The following DAPK1 variants were observed in gnomAD, a reference collection of about 807,000 sequenced individuals.
DAPK1 encodes the protein death associated protein kinase 1, also known as death-associated protein kinase 1.
In DAPK1, 56 loss-of-function variants were observed where a neutral mutation model predicts 144.9. The observed-to-expected ratio is 0.39, with a 90% CI of 0.31 to 0.48. The LOEUF (loss-of-function observed/expected upper bound fraction) is 0.48, where lower values mean the gene tolerates loss of function less well. DAPK1 is among the 20% of genes least tolerant of loss of function. DAPK1 has a pLI of 0.95. For synonymous variants in DAPK1, 690 were observed against 749.0 expected (o/e 0.92, Z 1.29); for missense variants, 1,454 against 1,875.4 (o/e 0.78, Z 4.15).
chr9:87,504,991 G>A lies in DAPK1; in HGVS notation c.62+5852G>A, dbSNP rs140991458. On this transcript the variant is annotated intron_variant, in intron 2 of 25. Coordinates refer to ENST00000408954, the MANE Select transcript of DAPK1 (RefSeq NM_004938.4). ...GCAGAACCCACAGATCCAGAGGGCT[G>A]ACTGTAGTTGTATACAGGTGTTATA... is the stretch of plus-strand genomic sequence containing the variant. Among the ~76,000 whole-genome samples, 757 of 152,320 alleles carry A rather than the reference G, an allele frequency of 5.0e-3. 2 individuals are homozygous for A. Among genetic ancestry groups the A allele is most frequent in the Non-Finnish European group, 6.7e-3 (459 of 68,032 alleles).
At chr9:87,618,438 C>T (rs1006126663) in intron 3 of DAPK1, among the ~76,000 whole-genome samples, 2 of 152,142 alleles carry the variant, frequency 1.3e-5, no homozygotes, top group African/African-American at 4.8e-5. Context: ...AGACTGTACC[C>T]AAGAGACATG....
chr9:87,664,690 C>T (rs1201014551), intron 18 of DAPK1, among the ~76,000 whole-genome samples: 1 of 152,174 alleles, frequency 6.6e-6, no homozygotes, highest in African/African-American at 2.4e-5. Context: ...AAGTGGGCTC[C>T]CTGCTTCCAC....
chr9:87,539,107 T>C (rs1284615828), intron 2 of DAPK1, among the ~76,000 whole-genome samples: 1 of 151,492 alleles, frequency 6.6e-6, no homozygotes, highest in Admixed American at 6.6e-5. Flanking sequence ...ATATATGTAC[T>C]ACATATATTA....
At chr9:87,578,236 T>C (rs1827632060) in intron 2 of DAPK1, among the ~76,000 whole-genome samples, 1 of 152,232 alleles carries the variant, frequency 6.6e-6, no homozygotes, top group African/African-American at 2.4e-5. Flanking sequence ...TATATGTCCT[T>C]TTTAATAGAA....
At chr9:87,704,420 AG>A (rs1825562289) in intron 25 of DAPK1, among the ~76,000 whole-genome samples, 2 of 152,318 alleles carry the variant, frequency 1.3e-5, no homozygotes, top group Admixed American at 1.3e-4. Context: ...GATGTAAAGA[AG>A]GAGGGTAATT....
chr9:87,549,188 G>T (rs1484431086), intron 2 of DAPK1, among the ~76,000 whole-genome samples: 6 of 152,132 alleles, frequency 3.9e-5, no homozygotes, highest in Admixed American at 1.3e-4. Flanking sequence ...AGAACATGCA[G>T]TGTTTGGTTT....
chr9:87,675,482 A>T (rs1408286381), intron 19 of DAPK1, among the ~76,000 whole-genome samples: 4 of 152,062 alleles, frequency 2.6e-5, no homozygotes. Flanking sequence ...GGGTCAGAGG[A>T]TGTACCTGGG....
chr9:87,691,597 G>A (rs1237815233), intron 21 of DAPK1, among the ~76,000 whole-genome samples: 2 of 151,636 alleles, frequency 1.3e-5, no homozygotes, highest in Non-Finnish European at 2.9e-5. Flanking sequence ...TATTTGAAAC[G>A]TTTCTGATTT....
chr9:87,655,765 T>C (rs1278816918), intron 17 of DAPK1, among the ~76,000 whole-genome samples: 4 of 152,176 alleles, frequency 2.6e-5, no homozygotes, highest in African/African-American at 7.2e-5. Flanking sequence ...AGGGAATAGA[T>C]GGCGCAGAAT....
intron 2 of DAPK1, among the ~76,000 whole-genome samples, chr9:87,572,069 A>T (rs1827381394): frequency 6.6e-6 from 1 of 152,216 alleles, no homozygotes; most frequent in African/African-American, 2.4e-5. Flanking sequence ...AAATAGAAAG[A>T]CTTGCTCAGC....
chr9:87,685,095 T>TA (rs1824788929), intron 20 of DAPK1, among the ~76,000 whole-genome samples: 1 of 152,170 alleles, frequency 6.6e-6, no homozygotes, highest in Admixed American at 6.5e-5. Context: ...TGCAGAGAAA[T>TA]ACACTAAAAT....
At chr9:87,529,035 A>T (rs1825617081) in intron 2 of DAPK1, among the ~76,000 whole-genome samples, 1 of 152,024 alleles carries the variant, frequency 6.6e-6, no homozygotes, top group African/African-American at 2.4e-5. Context: ...GTGTGTGCTC[A>T]CCTCCCAGGT....
At chr9:87,616,296 C>A (rs1829094936) in intron 3 of DAPK1, among the ~76,000 whole-genome samples, 1 of 152,132 alleles carries the variant, frequency 6.6e-6, no homozygotes, top group Non-Finnish European at 1.5e-5. Flanking sequence ...GCATATGTTT[C>A]TTTGAGGGCA....
In DAPK1 at chr9:87,497,903, A is replaced by C. The variant is rs899199670; in HGVS notation, c.-313A>C. Reference sequence around the variant, plus strand: ...TGAGGAGGACAGCCGGACCGAGCCAACGCCGGGGACTTTGTTCCCTCCGCG... The same window carrying C: ...TGAGGAGGACAGCCGGACCGAGCCACCGCCGGGGACTTTGTTCCCTCCGCG... On this transcript the variant is annotated 5_prime_UTR_variant, in exon 1 of 26. Coordinates refer to ENST00000408954, the MANE Select transcript of DAPK1 (RefSeq NM_004938.4). The C allele has an allele frequency of 1.0e-4, 41 of 394,656 alleles. No homozygotes were observed. The highest frequency in any genetic ancestry group is 1.7e-4 in the Non-Finnish European group (38 of 224,114). 24.4% of individuals were successfully genotyped at this position (394,656 alleles called of 1,614,324 possible). A position where few individuals can be genotyped will look rare whatever the true frequency, so the allele number is the denominator to read the frequency against.
At chr9:87,636,869 C>T (rs1276943857) in intron 3 of DAPK1, among the ~76,000 whole-genome samples, 2 of 152,110 alleles carry the variant, frequency 1.3e-5, no homozygotes, top group Non-Finnish European at 2.9e-5. Flanking sequence ...TGCCATTCAT[C>T]GCTATCGTGG....
chr9:87,541,620 G>A (rs1349620359), intron 2 of DAPK1, among the ~76,000 whole-genome samples: 1 of 151,350 alleles, frequency 6.6e-6, no homozygotes, highest in Non-Finnish European at 1.5e-5. Context: ...CCAACTAGAA[G>A]CATCATGTGG....
intron 3 of DAPK1, among the ~76,000 whole-genome samples, chr9:87,616,511 T>C (rs4878110): frequency 0.46 from 69,751 of 152,066 alleles, 17,529 homozygotes; most frequent in East Asian, 0.77. Context: ...AACTCTTGAC[T>C]GAGTTTCCTA....
At chr9:87,610,480 A>G (rs1014147206) in intron 3 of DAPK1, among the ~76,000 whole-genome samples, 1 of 152,258 alleles carries the variant, frequency 6.6e-6, no homozygotes, top group Non-Finnish European at 1.5e-5. Context: ...TGCTATTTCT[A>G]AAGTGTGTGG....
chr9:87,646,540 G>T lies in DAPK1; in HGVS notation c.1211G>T (p.Arg404Ile). Residue 404 changes from arginine (R) to isoleucine (I), a missense_variant, in exon 13 of 26, where the codon AGA (arginine) becomes ATA (isoleucine). Around this residue, in one of 2 missense-constraint regions of DAPK1, gnomAD observed 429 missense variants for 637.5 expected, o/e 0.67. Transcript: ENST00000408954. ...ILQLLIKRGS[R>I]IDVQDKGGSN... ...CAGTTGCTCATTAAAAGAGGCTCGA[G>T]AATCGATGTCCAGGATAAGGTCATA... 2.5e-6 allele frequency: 4 copies of T among 1,611,802 alleles called. No homozygotes were observed. Among genetic ancestry groups the T allele is most frequent in the Non-Finnish European group, 3.4e-6 (4 of 1,177,858 alleles).
Sources: allele counts gnomAD v4.1 joint callset (sites outside exome capture counted in the v4.1 genomes callset), GRCh38; gene constraint gnomAD v4.1.1; regional missense constraint gnomAD v4.1.1; transcripts MANE v1.5; gene names NCBI Gene and HGNC (gene_info 2026-07-23, HGNC 2026-07-21).